Variants in ATP8B4 observed in about 807,000 individuals in gnomAD.
ATP8B4 encodes ATPase phospholipid transporting 8B4 (putative), also known as probable phospholipid-transporting ATPase IM.
In ATP8B4, 133 loss-of-function variants were observed where a neutral mutation model predicts 145.6. The ratio of observed to expected loss-of-function variants is 0.91; its 90% confidence interval spans 0.79 to 1.05. ATP8B4 has a LOEUF of 1.05. ATP8B4 is among the 50% of genes least tolerant of loss of function. The pLI is 0.00. For synonymous variants in ATP8B4, 507 were observed against 492.9 expected, an observed-to-expected ratio of 1.03 and a Z score of -0.38; for missense variants, 1,458 against 1,425.2, an observed-to-expected ratio of 1.02 and a Z score of -0.37.
chr15:50,073,252 C>A (rs113733926), intron 3 of ATP8B4, among the ~76,000 whole-genome samples: 46 of 151,808 alleles, frequency 3.0e-4, no homozygotes, highest in African/African-American at 1.1e-3. Flanking sequence ...TAGGCCCTGA[C>A]AGGCTCTGCT....
intron 23 of ATP8B4, among the ~76,000 whole-genome samples, chr15:49,892,534 C>T (rs867853404): frequency 1.4e-4 from 22 of 152,254 alleles, no homozygotes; most frequent in African/African-American, 5.3e-4. Flanking sequence ...GCTCTTTGTA[C>T]ATCTTATTGT....
intron 6 of ATP8B4, among the ~76,000 whole-genome samples, chr15:50,020,444 G>A (rs1442201232): frequency 6.6e-6 from 1 of 151,024 alleles, no homozygotes; most frequent in Non-Finnish European, 1.5e-5. Context: ...TAATTTTTTT[G>A]TATTTTTAGT....
intron 25 of ATP8B4, among the ~76,000 whole-genome samples, chr15:49,868,511 G>A (rs2033166905): frequency 6.6e-6 from 1 of 152,178 alleles, no homozygotes; most frequent in Non-Finnish European, 1.5e-5. Flanking sequence ...ATAGTGGTGA[G>A]CAATGATTCT....
At chr15:50,082,416 A>T (rs965633948) in intron 2 of ATP8B4, among the ~76,000 whole-genome samples, 1 of 152,232 alleles carries the variant, frequency 6.6e-6, no homozygotes, top group Non-Finnish European at 1.5e-5. Context: ...CTTTCCTCAC[A>T]AGAGAGCTTG....
chr15:49,875,549 T>G (rs189192624), intron 25 of ATP8B4, among the ~76,000 whole-genome samples: 25 of 152,322 alleles, frequency 1.6e-4, no homozygotes, highest in Non-Finnish European at 2.6e-4. Context: ...GGAAAAGTTT[T>G]TCTAACTATG....
chr15:49,923,239 A>G, intron 17 of ATP8B4, 140 bp downstream of exon 17: 1 of 679,388 alleles, frequency 1.5e-6, no homozygotes, highest in East Asian at 2.9e-5. Context: ...AATCATTGGC[A>G]CAGCTTCCTG....
At chr15:50,064,263 C>T (rs1462286165) in intron 3 of ATP8B4, among the ~76,000 whole-genome samples, 2 of 152,096 alleles carry the variant, frequency 1.3e-5, no homozygotes, top group African/African-American at 4.8e-5. Flanking sequence ...ACCTAGATGA[C>T]ACCTGAACAG....
At chr15:49,950,623 A>AC in intron 14 of ATP8B4, among the ~76,000 whole-genome samples, 1 of 138,484 alleles carries the variant, frequency 7.2e-6, no homozygotes, top group East Asian at 1.9e-4. Flanking sequence ...AACAAACAAA[A>AC]AAAACAACAA....
chr15:50,086,721 A>G (rs2055138456), intron 2 of ATP8B4, among the ~76,000 whole-genome samples: 1 of 79,544 alleles, frequency 1.3e-5, no homozygotes, highest in South Asian at 3.8e-4. Flanking sequence ...TATATAATAA[A>G]ATAATATAGA....
At chr15:49,978,809 A>T (rs529308108) in intron 12 of ATP8B4, among the ~76,000 whole-genome samples, 1 of 89,184 alleles carries the variant, frequency 1.1e-5, no homozygotes. Context: ...TATATAAATA[A>T]AGAGGGGTGT....
At chr15:50,087,624 C>G (rs958880050) in intron 2 of ATP8B4, among the ~76,000 whole-genome samples, 2 of 151,614 alleles carry the variant, frequency 1.3e-5, no homozygotes, top group Non-Finnish European at 2.9e-5. Flanking sequence ...GAGCATAAAC[C>G]TACTTATAGC....
intron 20 of ATP8B4, chr15:49,901,740 A>G (rs967622520): frequency 7.5e-6 from 3 of 398,240 alleles, no homozygotes; most frequent in East Asian, 7.6e-5. Context: ...TCTGAGAAAC[A>G]TATTTTTTAA....
At chr15:50,040,841 G>C (rs1034453652) in intron 5 of ATP8B4, among the ~76,000 whole-genome samples, 1 of 152,146 alleles carries the variant, frequency 6.6e-6, no homozygotes, top group Non-Finnish European at 1.5e-5. Flanking sequence ...AAGTCTCAGA[G>C]GGGAACTTCC....
At chr15:49,988,158 ATAACTTGCCCC>A (rs1335439240) in intron 9 of ATP8B4, among the ~76,000 whole-genome samples, 2 of 152,208 alleles carry the variant, frequency 1.3e-5, no homozygotes, top group African/African-American at 4.8e-5. Context: ...AAGGCACCAT[ATAACTTGCCCC>A]TAACTGGCTA....
chr15:50,077,669 A>G (rs896234277), intron 2 of ATP8B4, among the ~76,000 whole-genome samples: 1 of 152,170 alleles, frequency 6.6e-6, no homozygotes, highest in African/African-American at 2.4e-5. Flanking sequence ...ATGATAAATT[A>G]TATTACCACC....
At chr15:50,004,630 C>A (rs569203788) in intron 7 of ATP8B4, among the ~76,000 whole-genome samples, 1 of 152,164 alleles carries the variant, frequency 6.6e-6, no homozygotes, top group African/African-American at 2.4e-5. Flanking sequence ...GCTTCACATG[C>A]GCTATTTTAT....
At chr15:50,111,839 G>A (rs149954804) in intron 1 of ATP8B4, among the ~76,000 whole-genome samples, 2 of 152,308 alleles carry the variant, frequency 1.3e-5, no homozygotes, top group African/African-American at 2.4e-5. Flanking sequence ...TGAGGACAGC[G>A]AGTGTAACTC....
chr15:49,975,948 A>C (rs2045621072), intron 12 of ATP8B4, among the ~76,000 whole-genome samples: 1 of 152,142 alleles, frequency 6.6e-6, no homozygotes, highest in Non-Finnish European at 1.5e-5. Flanking sequence ...ATCTTAGTGG[A>C]AATTAATCCT....
chr15:49,965,883 A>G (rs1308764356), intron 13 of ATP8B4, among the ~76,000 whole-genome samples: 3 of 152,174 alleles, frequency 2.0e-5, no homozygotes, highest in Non-Finnish European at 2.9e-5. Context: ...AGATCAACAC[A>G]GAAGGGAGGC....
Sources: gnomAD v4.1 joint callset for allele counts (sites outside exome capture counted in the v4.1 genomes callset) on GRCh38, gnomAD v4.1.1 for gene constraint, MANE v1.5 for transcripts, NCBI Gene and HGNC (gene_info 2026-07-23, HGNC 2026-07-21) for gene names.